The following ZYG11B variants were observed in gnomAD, a reference collection of about 807,000 sequenced individuals.
ZYG11B encodes the protein zyg-11 family member B, cell cycle regulator.
ZYG11B carries 36 observed loss-of-function variants against 82.4 expected under a neutral mutation model. The observed-to-expected ratio is 0.44, with a 90% confidence interval of 0.33 to 0.58. The LOEUF is 0.58. Among genes scored for constraint, ZYG11B ranks in the 20% least tolerant of loss-of-function variants. The probability of loss-of-function intolerance (pLI) is 0.02; values close to 1 mark genes in which losing one functional copy is unlikely to be tolerated. For synonymous variants in ZYG11B, 303 were observed against 312.8 expected (o/e 0.97, Z 0.33); for missense variants, 552 against 895.6 (o/e 0.62, Z 4.90).
intron 1 of ZYG11B, among the ~76,000 whole-genome samples, chr1:52,750,035 A>G (rs1487478975): frequency 6.6e-6 from 1 of 152,162 alleles, no homozygotes. Flanking sequence ...ACCTCTAACC[A>G]TCATTAGCAT....
intron 8 of ZYG11B, among the ~76,000 whole-genome samples, chr1:52,797,839 T>A (rs1645039986): frequency 6.6e-6 from 1 of 151,354 alleles, no homozygotes; most frequent in Non-Finnish European, 1.5e-5. Context: ...AAATTTTTTG[T>A]GGCTAGGCAT....
At chr1:52,788,891 T>TA (rs776075327) in intron 5 of ZYG11B, among the ~76,000 whole-genome samples, 1 of 152,160 alleles carries the variant, frequency 6.6e-6, no homozygotes, top group Non-Finnish European at 1.5e-5. Flanking sequence ...TTGCCTTTCT[T>TA]ACTTCTATGG....
chr1:52,756,684 T>C, intron 2 of ZYG11B, 61 bp downstream of exon 2: 1 of 1,514,308 alleles, frequency 6.6e-7, no homozygotes, highest in Non-Finnish European at 9.0e-7. Context: ...GATTTTGAAG[T>C]GCTACAGTAG....
chr1:52,787,612 A>G (rs1448899329), intron 5 of ZYG11B, among the ~76,000 whole-genome samples: 2 of 152,248 alleles, frequency 1.3e-5, no homozygotes, highest in Non-Finnish European at 2.9e-5. Flanking sequence ...CTGCGCTGGC[A>G]TCCCCTGCAA....
At chr1:52,812,124 C>CT (rs1216274532) in intron 10 of ZYG11B, among the ~76,000 whole-genome samples, 1 of 151,784 alleles carries the variant, frequency 6.6e-6, no homozygotes, top group East Asian at 1.9e-4. Context: ...ATAATAGCTG[C>CT]TTTAAGTCCT....
chr1:52,808,422 G>C (rs1645158944), intron 10 of ZYG11B, among the ~76,000 whole-genome samples: 1 of 152,224 alleles, frequency 6.6e-6, no homozygotes, highest in African/African-American at 2.4e-5. Flanking sequence ...GATTATATGT[G>C]TCTTGATGTA....
chr1:52,737,491 T>C (rs1212575332), intron 1 of ZYG11B, among the ~76,000 whole-genome samples: 1 of 152,014 alleles, frequency 6.6e-6, no homozygotes, highest in Non-Finnish European at 1.5e-5. Flanking sequence ...CAATATTGGC[T>C]GGTGGTGGCT....
chr1:52,776,158 G>A (rs1163726572), intron 3 of ZYG11B, among the ~76,000 whole-genome samples: 2 of 142,622 alleles, frequency 1.4e-5, no homozygotes, highest in African/African-American at 5.2e-5. Context: ...GGTGGAGGTT[G>A]TGGTGAACCA....
At chr1:52,790,153 C>G (rs1644944558) in intron 6 of ZYG11B, 86 bp downstream of exon 6, 2 of 887,526 alleles carry the variant, frequency 2.3e-6, no homozygotes, top group Admixed American at 2.6e-5. Context: ...TTAGGATATC[C>G]CTTTTATAAG....
intron 2 of ZYG11B, among the ~76,000 whole-genome samples, chr1:52,762,280 C>G (rs1046946737): frequency 6.7e-6 from 1 of 148,324 alleles, no homozygotes; most frequent in African/African-American, 2.5e-5. Flanking sequence ...GTGGTCATGG[C>G]TCACTGCAGC....
chr1:52,775,827 C>A (rs1558129832), intron 3 of ZYG11B, among the ~76,000 whole-genome samples: 1 of 152,128 alleles, frequency 6.6e-6, no homozygotes, highest in African/African-American at 2.4e-5. Context: ...CCTGTAATCC[C>A]AGCACTTTGG....
intron 6 of ZYG11B, among the ~76,000 whole-genome samples, chr1:52,791,025 G>A (rs1443429346): frequency 6.6e-6 from 1 of 151,746 alleles, no homozygotes; most frequent in Non-Finnish European, 1.5e-5. Flanking sequence ...AGGCTGGAGT[G>A]CAGTGGTGCA....
At chr1:52,805,869 C>CA (rs947969486) in intron 10 of ZYG11B, among the ~76,000 whole-genome samples, 26 of 149,926 alleles carry the variant, frequency 1.7e-4, no homozygotes, top group Admixed American at 4.7e-4. Flanking sequence ...GACTTCATCT[C>CA]AAAAAAAAAC....
intron 3 of ZYG11B, chr1:52,772,461 A>T: frequency 6.3e-7 from 1 of 1,578,872 alleles, no homozygotes; most frequent in Non-Finnish European, 8.7e-7. Context: ...CACAAAACGT[A>T]CTTGTGCAAC....
intron 1 of ZYG11B, among the ~76,000 whole-genome samples, chr1:52,751,200 G>A (rs1281737279): frequency 6.6e-6 from 1 of 151,744 alleles, no homozygotes; most frequent in South Asian, 2.1e-4. Context: ...GGCTGGTCTC[G>A]AACTTCTGGG....
At chr1:52,751,829 A>AT in intron 1 of ZYG11B, among the ~76,000 whole-genome samples, 1 of 151,926 alleles carries the variant, frequency 6.6e-6, no homozygotes, top group African/African-American at 2.4e-5. Flanking sequence ...GAAAAACAAC[A>AT]TTTTTTCCTT....
intron 6 of ZYG11B, among the ~76,000 whole-genome samples, chr1:52,793,853 T>A (rs1644979392): frequency 6.9e-6 from 1 of 145,232 alleles, no homozygotes; most frequent in Admixed American, 6.9e-5. Flanking sequence ...TTTCTTTCTT[T>A]CTTCCTTTTC....
intron 10 of ZYG11B, among the ~76,000 whole-genome samples, chr1:52,802,675 C>T (rs941777671): frequency 6.1e-5 from 9 of 147,016 alleles, no homozygotes; most frequent in Non-Finnish European, 1.2e-4. Context: ...AATTTCTAGG[C>T]GAATGAACAA....
intron 8 of ZYG11B, among the ~76,000 whole-genome samples, chr1:52,800,881 GT>G (rs1216877380): frequency 6.6e-6 from 1 of 151,646 alleles, no homozygotes; most frequent in African/African-American, 2.4e-5. Context: ...TGTTTCTTCA[GT>G]TTTTTTTCCT....
Sources: gnomAD v4.1 joint callset for allele counts (sites outside exome capture counted in the v4.1 genomes callset) on GRCh38, gnomAD v4.1.1 for gene constraint, MANE v1.5 for transcripts, NCBI Gene and HGNC (gene_info 2026-07-23, HGNC 2026-07-21) for gene names.